Variants in ARHGAP24 observed in about 807,000 individuals in gnomAD.
The protein encoded by ARHGAP24 is rho GTPase-activating protein 24.
Under a neutral mutation model 76.4 loss-of-function variants are expected in ARHGAP24, and 50 were observed. The observed-to-expected ratio is 0.65, with a 90% CI of 0.52 to 0.83. The LOEUF (loss-of-function observed/expected upper bound fraction) is 0.83. ARHGAP24 is among the 40% of genes least tolerant of loss of function. The pLI is 0.00. For synonymous variants in ARHGAP24, 345 were observed against 323.3 expected, an observed-to-expected ratio of 1.07 and a Z score of -0.72; for missense variants, 930 against 914.2, an observed-to-expected ratio of 1.02 and a Z score of -0.22.
intron 2 of ARHGAP24, among the ~76,000 whole-genome samples, chr4:85,648,367 C>T (rs1401925476): frequency 1.3e-5 from 2 of 152,006 alleles, no homozygotes; most frequent in East Asian, 3.9e-4. Flanking sequence ...ATATTTTGCA[C>T]TGAGTTTGAG....
chr4:85,662,825 T>G (rs538614342), intron 2 of ARHGAP24, among the ~76,000 whole-genome samples: 92 of 152,294 alleles, frequency 6.0e-4, no homozygotes, highest in Non-Finnish European at 1.1e-3. Flanking sequence ...ATCAGATAGT[T>G]GTAGATATGC....
chr4:85,816,220 T>C (rs949090655), intron 3 of ARHGAP24, among the ~76,000 whole-genome samples: 1 of 152,202 alleles, frequency 6.6e-6, no homozygotes, highest in Admixed American at 6.5e-5. Flanking sequence ...GTGTTTTCAA[T>C]ATAGTCATCA....
chr4:85,651,905 A>G (rs1246211714), intron 2 of ARHGAP24, among the ~76,000 whole-genome samples: 1 of 152,176 alleles, frequency 6.6e-6, no homozygotes, highest in Non-Finnish European at 1.5e-5. Flanking sequence ...TAAAATAAGA[A>G]CAGATGGGCT....
At chr4:85,851,588 A>C (rs938800079) in intron 3 of ARHGAP24, among the ~76,000 whole-genome samples, 1 of 152,152 alleles carries the variant, frequency 6.6e-6, no homozygotes, top group Non-Finnish European at 1.5e-5. Context: ...GGCTGGTACC[A>C]GTTGTTCCTT....
chr4:85,753,984 T>A (rs555092902), intron 3 of ARHGAP24, among the ~76,000 whole-genome samples: 1 of 152,234 alleles, frequency 6.6e-6, no homozygotes, highest in Non-Finnish European at 1.5e-5. Context: ...ATAATTTTTC[T>A]ATTGCCCTCT....
At chr4:85,991,944 T>C in intron 8 of ARHGAP24, 1 of 388,734 alleles carries the variant, frequency 2.6e-6, no homozygotes, top group African/African-American at 2.1e-5. Flanking sequence ...CCCTAGGTTT[T>C]TTTTAAAGAA....
chr4:85,552,676 A>G (rs1726188464), intron 1 of ARHGAP24, among the ~76,000 whole-genome samples: 1 of 152,136 alleles, frequency 6.6e-6, no homozygotes, highest in Non-Finnish European at 1.5e-5. Flanking sequence ...GTATCTAAGA[A>G]CTTTCTCTAT....
intron 3 of ARHGAP24, among the ~76,000 whole-genome samples, chr4:85,871,156 C>T (rs1012262057): frequency 2.6e-5 from 4 of 152,050 alleles, no homozygotes; most frequent in Admixed American, 2.6e-4. Context: ...TTAACCCCTA[C>T]AATTGTTTTA....
intron 2 of ARHGAP24, among the ~76,000 whole-genome samples, chr4:85,688,891 T>C (rs1003439857): frequency 1.3e-5 from 2 of 152,224 alleles, no homozygotes; most frequent in African/African-American, 2.4e-5. Flanking sequence ...TGTTCTATGC[T>C]GTTCCATTGG....
intron 7 of ARHGAP24, among the ~76,000 whole-genome samples, chr4:85,976,718 T>G (rs935030784): frequency 1.3e-5 from 2 of 152,092 alleles, no homozygotes; most frequent in Non-Finnish European, 2.9e-5. Flanking sequence ...AGAAACAGTT[T>G]GCATTTGCAA....
At chr4:85,813,818 T>TTATA (rs35261368) in intron 3 of ARHGAP24, among the ~76,000 whole-genome samples, 20,685 of 136,870 alleles carry the variant, frequency 0.15, 1,885 homozygotes, top group Non-Finnish European at 0.22. Context: ...TATATTTATT[T>TTATA]TATATATATA....
chr4:85,856,471 C>CT (rs3029091), intron 3 of ARHGAP24, among the ~76,000 whole-genome samples: 5,792 of 128,468 alleles, frequency 0.045, 331 homozygotes, highest in African/African-American at 0.11. Flanking sequence ...GGAAATTACT[C>CT]TTTTTTTTTT....
At chr4:85,888,386 C>G (rs974824313) in intron 3 of ARHGAP24, among the ~76,000 whole-genome samples, 1 of 116,600 alleles carries the variant, frequency 8.6e-6, no homozygotes, top group African/African-American at 3.3e-5. Context: ...GGCAACAGAG[C>G]AAGACTTCCT....
At position 85,631,693 on chromosome 4, in the gene ARHGAP24, G is replaced by C. The variant is rs891639386; in HGVS notation, c.180+60972G>C. Among the ~76,000 whole-genome samples the C allele has an allele frequency of 2.0e-5, 3 of 151,870 alleles. No individual in the cohort carries two copies. The South Asian group carries it at 6.2e-4, about 31-fold the overall frequency. ...ATTACTCAATTTACTTTTTCAAGTT[G>C]AGATCATAGCAATATTCCTTGGTTT... On this transcript the variant is annotated intron_variant, in intron 2 of 9. Coordinates refer to ENST00000395184, the MANE Select transcript of ARHGAP24 (RefSeq NM_001025616.3).
At chr4:85,558,918 A>G (rs950514825) in intron 1 of ARHGAP24, among the ~76,000 whole-genome samples, 2 of 152,252 alleles carry the variant, frequency 1.3e-5, no homozygotes, top group African/African-American at 4.8e-5. Flanking sequence ...GAGGGGCTTG[A>G]AATGATAATG....
chr4:85,742,664 T>C (rs1046316023), intron 3 of ARHGAP24, among the ~76,000 whole-genome samples: 4 of 152,240 alleles, frequency 2.6e-5, no homozygotes, highest in Non-Finnish European at 4.4e-5. Context: ...AACTGAGGTT[T>C]GTGACAAGGT....
chr4:85,630,534 T>G (rs1721124709), intron 2 of ARHGAP24, among the ~76,000 whole-genome samples: 1 of 152,144 alleles, frequency 6.6e-6, no homozygotes, highest in South Asian at 2.1e-4. Context: ...CCAGAGATAC[T>G]GAGCAGGCCA....
chr4:85,827,082 A>G (rs1729746623), intron 3 of ARHGAP24, among the ~76,000 whole-genome samples: 1 of 152,192 alleles, frequency 6.6e-6, no homozygotes, highest in Non-Finnish European at 1.5e-5. Context: ...GAGTGATTAT[A>G]TTTTTGGCAA....
Position 85,570,696 on chromosome 4 carries a change from A to T in ARHGAP24, c.155A>T (p.Lys52Ile). 1 of 1,614,106 alleles carries T rather than the reference A, an allele frequency of 6.2e-7. No individual in the cohort carries two copies. Among genetic ancestry groups the T allele is most frequent in the Non-Finnish European group, 8.5e-7 (1 of 1,180,004 alleles). ...AAGGGGGATCAGCTCTATTATTTCA[A>T]AGATGAAGATGAAACCAAGCCCTTG... is the stretch of plus-strand genomic sequence containing the variant. ...VLKGDQLYYFKDEDETKPLGT... is the reference protein window; with the variant it reads ...VLKGDQLYYFIDEDETKPLGT... The change falls in exon 2 of 10, where the codon AAA (lysine) becomes ATA (isoleucine). Residue 52 changes from lysine (K) to isoleucine (I), a missense_variant. Lys to Ile is a moderately radical substitution (Grantham distance 102). Transcript: ENST00000395184.
Sources: allele counts gnomAD v4.1 joint callset (sites outside exome capture counted in the v4.1 genomes callset), GRCh38; gene constraint gnomAD v4.1.1; transcripts MANE v1.5; gene names NCBI Gene and HGNC (gene_info 2026-07-23, HGNC 2026-07-21).